The following RALYL variants were observed in gnomAD, a reference collection of about 807,000 sequenced individuals.
RALYL encodes the protein RNA-binding Raly-like protein.
Under a neutral mutation model 35.1 loss-of-function variants are expected in RALYL, and 29 were observed. That is an observed-to-expected ratio of 0.83 (90% CI 0.61 to 1.13). The LOEUF (loss-of-function observed/expected upper bound fraction) is 1.13. RALYL is among the 50% of genes most tolerant of loss of function. RALYL has a pLI of 0.00. For synonymous variants in RALYL, 120 were observed against 127.6 expected, an observed-to-expected ratio of 0.94 and a Z score of 0.40; for missense variants, 359 against 360.4, an observed-to-expected ratio of 1.00 and a Z score of 0.03.
chr8:84,661,242 T>C, intron 2 of RALYL, among the ~76,000 whole-genome samples: 1 of 152,110 alleles, frequency 6.6e-6, no homozygotes, highest in East Asian at 1.9e-4. Context: ...TTATTATTAA[T>C]ATATAGAGGG....
At chr8:84,447,292 G>A (rs528459611) in intron 1 of RALYL, among the ~76,000 whole-genome samples, 1 of 152,164 alleles carries the variant, frequency 6.6e-6, no homozygotes, top group African/African-American at 2.4e-5. Flanking sequence ...CACCTACTCA[G>A]GAACACATTC....
intron 1 of RALYL, among the ~76,000 whole-genome samples, chr8:84,374,759 C>T (rs1224912251): frequency 6.6e-6 from 1 of 151,718 alleles, no homozygotes; most frequent in Admixed American, 6.6e-5. Context: ...CTGTTGGGTA[C>T]TAAGCTTAGT....
At chr8:84,487,589 C>G (rs950897932) in intron 1 of RALYL, among the ~76,000 whole-genome samples, 9 of 152,162 alleles carry the variant, frequency 5.9e-5, no homozygotes, top group Admixed American at 5.9e-4. Flanking sequence ...TGGCCTGCCA[C>G]CAGTTTCTGT....
intron 1 of RALYL, among the ~76,000 whole-genome samples, chr8:84,226,238 G>A (rs981948538): frequency 4.6e-5 from 7 of 152,058 alleles, no homozygotes; most frequent in Non-Finnish European, 1.0e-4. Context: ...GATCTGAGGT[G>A]GAACAGTTTT....
chr8:84,352,802 C>T (rs1432280984), intron 1 of RALYL, among the ~76,000 whole-genome samples: 1 of 150,070 alleles, frequency 6.7e-6, no homozygotes, highest in Admixed American at 6.6e-5. Context: ...AACTATTTCC[C>T]CATGTTGGCC....
intron 2 of RALYL, among the ~76,000 whole-genome samples, chr8:84,720,528 A>C (rs1186603932): frequency 6.6e-6 from 1 of 152,178 alleles, no homozygotes. Context: ...CTTATGTACT[A>C]TAAAAAGACT....
At chr8:84,485,913 A>G (rs1341003261) in intron 1 of RALYL, among the ~76,000 whole-genome samples, 1 of 151,616 alleles carries the variant, frequency 6.6e-6, no homozygotes, top group Non-Finnish European at 1.5e-5. Context: ...TTCTCCCACA[A>G]TTCATTGCAA....
At chr8:84,842,396 C>G (rs1833625577) in intron 4 of RALYL, among the ~76,000 whole-genome samples, 3 of 152,156 alleles carry the variant, frequency 2.0e-5, no homozygotes, top group Admixed American at 2.0e-4. Flanking sequence ...TCGACACATA[C>G]ACCCTCCCAA....
rs1563808432 is a variant in RALYL at position 84,372,662 on chromosome 8, G to C, written c.-23-156637G>C. On this transcript the variant is annotated intron_variant, in intron 1 of 8. Transcript: ENST00000521268. ...GACTGGGAGAACCACTTGAGTTGAT[G>C]AGTTCCAGCCAACAAAGTCAGACCT... is the stretch of plus-strand genomic sequence containing the variant. 9.9e-5 allele frequency among the ~76,000 whole-genome samples: 15 copies of C among 151,984 alleles called. No homozygotes were observed. The South Asian group carries it at 3.1e-3, about 32-fold the overall frequency.
chr8:84,809,348 G>T (rs780275874), intron 4 of RALYL, among the ~76,000 whole-genome samples: 1 of 151,994 alleles, frequency 6.6e-6, no homozygotes, highest in Non-Finnish European at 1.5e-5. Context: ...GATCATGGTG[G>T]GTTATCTTTT....
chr8:84,694,237 A>AT, intron 2 of RALYL, among the ~76,000 whole-genome samples: 1 of 152,098 alleles, frequency 6.6e-6, no homozygotes. Flanking sequence ...TCTGATTCAT[A>AT]TCAGTCCATT....
At chr8:84,670,623 T>C (rs1471646861) in intron 2 of RALYL, among the ~76,000 whole-genome samples, 2 of 152,186 alleles carry the variant, frequency 1.3e-5, no homozygotes, top group African/African-American at 2.4e-5. Flanking sequence ...ATGTTTTACA[T>C]GGCAGCAGGC....
intron 2 of RALYL, among the ~76,000 whole-genome samples, chr8:84,770,003 G>A (rs1249732932): frequency 6.6e-6 from 1 of 152,014 alleles, no homozygotes; most frequent in Non-Finnish European, 1.5e-5. Flanking sequence ...CTCCTTTAGA[G>A]GTAAACTTCA....
At chr8:84,413,037 T>C (rs1196715643) in intron 1 of RALYL, among the ~76,000 whole-genome samples, 2 of 151,548 alleles carry the variant, frequency 1.3e-5, no homozygotes, top group African/African-American at 4.8e-5. Flanking sequence ...AAGTTTTCCC[T>C]AATTAAATGC....
At chr8:84,445,960 A>G (rs1371283576) in intron 1 of RALYL, among the ~76,000 whole-genome samples, 1 of 151,716 alleles carries the variant, frequency 6.6e-6, no homozygotes, top group Non-Finnish European at 1.5e-5. Context: ...TTGTTTAAAG[A>G]TTTATATAAT....
chr8:84,272,161 C>A (rs573063530), intron 1 of RALYL, among the ~76,000 whole-genome samples: 1 of 152,128 alleles, frequency 6.6e-6, no homozygotes, highest in South Asian at 2.1e-4. Context: ...GGCTTGATCT[C>A]AGCTCACTGC....
At chr8:84,262,666 A>G (rs1208198469) in intron 1 of RALYL, among the ~76,000 whole-genome samples, 4 of 152,192 alleles carry the variant, frequency 2.6e-5, no homozygotes, top group Non-Finnish European at 5.9e-5. Context: ...GGTGAATTAT[A>G]TAGAATATTC....
At chr8:84,785,825 AG>A (rs1819311059) in intron 3 of RALYL, among the ~76,000 whole-genome samples, 1 of 152,168 alleles carries the variant, frequency 6.6e-6, no homozygotes, top group Non-Finnish European at 1.5e-5. Flanking sequence ...ATTTGATTAG[AG>A]AAAAAAACAT....
intron 2 of RALYL, among the ~76,000 whole-genome samples, chr8:84,673,252 G>A (rs1341231122): frequency 6.6e-6 from 1 of 152,086 alleles, no homozygotes; most frequent in Non-Finnish European, 1.5e-5. Flanking sequence ...TAAGTTACTT[G>A]TAGATGCTGA....
Sources: allele counts gnomAD v4.1 joint callset (sites outside exome capture counted in the v4.1 genomes callset), GRCh38; gene constraint gnomAD v4.1.1; transcripts MANE v1.5; gene names NCBI Gene and HGNC (gene_info 2026-07-23, HGNC 2026-07-21).